The following ANKRA2 variants were observed in gnomAD, a reference collection of about 807,000 sequenced individuals.
The protein encoded by ANKRA2 is ankyrin repeat family A member 2.
Under a neutral mutation model 37.8 loss-of-function variants are expected in ANKRA2, and 33 were observed. That is an observed-to-expected ratio of 0.87 (90% confidence interval 0.66 to 1.17). The LOEUF (loss-of-function observed/expected upper bound fraction) is 1.17, where lower values mean the gene tolerates loss of function less well. Among genes scored for constraint, ANKRA2 ranks in the 50% most tolerant of loss-of-function variants. ANKRA2 has a pLI of 0.00. For missense variants in ANKRA2, 326 were observed against 373.7 expected, an observed-to-expected ratio of 0.87 and a Z score of 1.05; for synonymous variants, 126 against 132.3, an observed-to-expected ratio of 0.95 and a Z score of 0.33.
chr5:73,563,158 T>C (rs171062), intron 1 of ANKRA2, among the ~76,000 whole-genome samples, 173 bp from the exon 2 acceptor site: 26,441 of 152,198 alleles, frequency 0.17, 2,748 homozygotes, highest in Non-Finnish European at 0.23. Context: ...AACTTTGCCA[T>C]TAATTAGCTG....
At chr5:73,553,296 G>C in intron 8 of ANKRA2, 110 bp downstream of exon 8, 1 of 761,826 alleles carries the variant, frequency 1.3e-6, no homozygotes. Context: ...TATGTCAGGA[G>C]TTGGGATAAC....
chr5:73,555,814 T>C (rs1274790893), intron 4 of ANKRA2, among the ~76,000 whole-genome samples: 5 of 152,186 alleles, frequency 3.3e-5, no homozygotes, highest in Non-Finnish European at 1.5e-5. Context: ...TTACTTAAAG[T>C]ATAAACTACC....
chr5:73,560,994 G>T, intron 3 of ANKRA2, 136 bp downstream of exon 3: 2 of 900,094 alleles, frequency 2.2e-6, no homozygotes, highest in South Asian at 1.9e-5. Flanking sequence ...TTTTAAGGTT[G>T]AATAGTATTC....
Position 73,552,698 on chromosome 5 carries a change from A to G in ANKRA2, c.*99T>C. The G allele has an allele frequency of 9.1e-7, 1 of 1,095,142 alleles. No individual in the cohort carries two copies. The highest frequency in any genetic ancestry group is 2.5e-5 in the East Asian group (1 of 40,752). 67.8% of individuals were successfully genotyped at this position (1,095,142 alleles called of 1,614,324 possible). On this transcript the variant is annotated 3_prime_UTR_variant, in exon 9 of 9. Coordinates refer to ENST00000296785, the MANE Select transcript of ANKRA2 (RefSeq NM_023039.5). ...TTATTAAAACCTACTAAAAACCAGT[A>G]AATATTGCAACTGAGGTAAAAATTT...
chr5:73,558,304 A>G (rs1747456852), intron 3 of ANKRA2, among the ~76,000 whole-genome samples: 1 of 152,032 alleles, frequency 6.6e-6, no homozygotes, highest in Non-Finnish European at 1.5e-5. Context: ...ACAAATTGGT[A>G]TTATCAATGA....
At position 73,562,593 on chromosome 5, in the gene ANKRA2, C is replaced by A. The variant is rs113444638; in HGVS notation, c.289G>T (p.Ala97Ser). The change falls in exon 2 of 9, where the codon GCT becomes TCT. Residue 97 changes from alanine to serine, a missense_variant and splice_region_variant. By Grantham distance (99) the Ala-to-Ser change is moderately conservative (BLOSUM62 1). Around this residue, in one of 3 missense-constraint regions of ANKRA2, gnomAD observed 228 missense variants for 260.2 expected, o/e 0.88. Transcript: ENST00000296785. The stretch of plus-strand genomic sequence containing the variant: ...AGATATTTATACCATAACTTTCAAC[C>A]TTTAAATAGGACAGATGCCACCTCC... ...DLEVASVLFK[A>S]ECNIHTSPSP... is the part of the protein sequence containing the mutation. 1.2e-6 allele frequency: 2 copies of A among 1,604,674 alleles called. No homozygotes were observed. The highest frequency in any genetic ancestry group is 1.7e-6 in the Non-Finnish European group (2 of 1,175,018).
rs16870582 is a variant in ANKRA2 at position 73,565,316 on chromosome 5, T to G, written c.-289A>C. 10,330 of 153,364 alleles carry G rather than the reference T, an allele frequency of 0.067. 1,201 individuals are homozygous for G. Among genetic ancestry groups the G allele is most frequent in the African/African-American group, 0.23 (9,691 of 41,370 alleles). 9.5% of individuals were successfully genotyped at this position (153,364 alleles called of 1,614,324 possible). A position where few individuals can be genotyped will look rare whatever the true frequency, so the allele number is the denominator to read the frequency against. ...GCACAGGGGCTGGAGGCCGACCCGGTGAGAGTGCAAGGTCTCGCGACCACC... is the reference window on the plus strand; with the variant it reads ...GCACAGGGGCTGGAGGCCGACCCGGGGAGAGTGCAAGGTCTCGCGACCACC... On this transcript the variant is annotated 5_prime_UTR_variant, in exon 1 of 9. Transcript: ENST00000296785.
Position 73,561,287 on chromosome 5 carries a change from A to G in ANKRA2, c.291T>C (p.Ala97=). The part of the protein sequence containing the change: ...DLEVASVLFK[A]ECNIHTSPSP... Reference sequence around the variant, plus strand: ...AAGGAGATGTATGGATATTGCATTCAGCTAAGTGAAAAACAAATGTAAACA... The same window carrying G: ...AAGGAGATGTATGGATATTGCATTCGGCTAAGTGAAAAACAAATGTAAACA... The change falls in exon 3 of 9, where the codon GCT becomes GCC. Residue 97 remains alanine (A), a splice_region_variant and synonymous_variant. Coordinates refer to ENST00000296785, the MANE Select transcript of ANKRA2 (RefSeq NM_023039.5). The G allele has an allele frequency of 6.2e-7, 1 of 1,611,888 alleles. No individual in the cohort carries two copies. Among genetic ancestry groups the G allele is most frequent in the Non-Finnish European group, 8.5e-7 (1 of 1,178,552 alleles).
At position 73,562,541 on chromosome 5, in the gene ANKRA2, C is replaced by T. The variant is rs1319422585; in HGVS notation, c.289+52G>A. ...AAATCTCATGATTGGGAAAATAACC[C>T]AAATATACAAAAACAAAAACAAATG... is the stretch of plus-strand genomic sequence containing the variant. On this transcript the variant is annotated intron_variant, in intron 2 of 8. Transcript: ENST00000296785. 1.3e-5 allele frequency: 20 copies of T among 1,491,818 alleles called. No individual in the cohort carries two copies. The East Asian group carries it at 4.6e-4, about 34-fold the overall frequency. The allele number at this position is 1,491,818 out of a possible 1,614,324, so 92.4% of individuals were successfully genotyped here.
At position 73,554,402 on chromosome 5, in the gene ANKRA2, AG is replaced by A; in HGVS notation, c.739-15del. On this transcript the variant is annotated splice_polypyrimidine_tract_variant and intron_variant, in intron 6 of 8. Coordinates refer to ENST00000296785, the MANE Select transcript of ANKRA2 (RefSeq NM_023039.5). Reference sequence around the variant, plus strand: ...TGTTCCTCCATTCTGCAAAATGAAAAGGTGATTCAGAGTTTTTCACGGTGAG... The same window carrying A: ...TGTTCCTCCATTCTGCAAAATGAAAAGTGATTCAGAGTTTTTCACGGTGAG... 1 of 1,596,910 alleles carries A rather than the reference AG, an allele frequency of 6.3e-7. No homozygotes were observed.
intron 1 of ANKRA2, among the ~76,000 whole-genome samples, chr5:73,564,341 C>A (rs908674478): frequency 6.6e-6 from 1 of 152,184 alleles, no homozygotes; most frequent in Non-Finnish European, 1.5e-5. Flanking sequence ...GCTCTCTGAG[C>A]ACCCTGCATG....
chr5:73,553,528 C>T, intron 7 of ANKRA2, 42 bp from the exon 8 acceptor site: 1 of 1,513,324 alleles, frequency 6.6e-7, no homozygotes, highest in Non-Finnish European at 9.2e-7. Context: ...AATGAAAATG[C>T]AGATATGTTT....
intron 3 of ANKRA2, among the ~76,000 whole-genome samples, chr5:73,560,229 AAT>A (rs1388252405): frequency 6.6e-6 from 1 of 152,240 alleles, no homozygotes; most frequent in East Asian, 1.9e-4. Context: ...GGGGTATTTT[AAT>A]ATATGTTTAC....
chr5:73,555,444 C>T, intron 5 of ANKRA2, 44 bp downstream of exon 5: 1 of 1,607,984 alleles, frequency 6.2e-7, no homozygotes, highest in Non-Finnish European at 8.5e-7. Context: ...AAAGACTTAA[C>T]TTAAGTAACT....
At chr5:73,553,353 T>C in intron 8 of ANKRA2, 53 bp downstream of exon 8, 1 of 1,382,802 alleles carries the variant, frequency 7.2e-7, no homozygotes, top group Non-Finnish European at 1.0e-6. Flanking sequence ...TACTGGCTTA[T>C]ACTATTTACA....
intron 1 of ANKRA2, among the ~76,000 whole-genome samples, chr5:73,563,696 T>A (rs115603774): frequency 2.6e-5 from 4 of 152,190 alleles, no homozygotes; most frequent in Non-Finnish European, 4.4e-5. Context: ...TTAGATACAT[T>A]ATCATTTGGG....
At chr5:73,555,630 T>C (rs368081862) in intron 4 of ANKRA2, 45 bp from the exon 5 acceptor site, 3 of 1,504,278 alleles carry the variant, frequency 2.0e-6, no homozygotes, top group Non-Finnish European at 2.8e-6. Flanking sequence ...TTAACAACCA[T>C]ATCTTAATAT....
At chr5:73,555,728 T>G (rs937709871) in intron 4 of ANKRA2, 143 bp from the exon 5 acceptor site, 1 of 700,362 alleles carries the variant, frequency 1.4e-6, no homozygotes, top group African/African-American at 1.8e-5. Context: ...GTCCTATTTA[T>G]TGCATGTTGT....
chr5:73,556,833 A>G (rs190476264), intron 4 of ANKRA2, among the ~76,000 whole-genome samples: 2 of 151,894 alleles, frequency 1.3e-5, no homozygotes, highest in East Asian at 3.9e-4. Context: ...AAATGAAACT[A>G]CTCTGAGATG....
Sources: allele counts gnomAD v4.1 joint callset (sites outside exome capture counted in the v4.1 genomes callset), GRCh38; gene constraint gnomAD v4.1.1; regional missense constraint gnomAD v4.1.1; transcripts MANE v1.5; gene names NCBI Gene and HGNC (gene_info 2026-07-23, HGNC 2026-07-21).